The following EXOSC4 variants were observed in gnomAD, a reference collection of about 807,000 sequenced individuals.
EXOSC4 encodes exosome complex component RRP41.
EXOSC4 carries 14 observed loss-of-function variants against 20.0 expected under a neutral mutation model. The observed-to-expected ratio is 0.70, with a 90% CI of 0.46 to 1.09. EXOSC4 has a LOEUF of 1.09. EXOSC4 is among the 50% of genes least tolerant of loss of function. EXOSC4 has a pLI of 0.00. For missense variants in EXOSC4, 337 were observed against 334.0 expected (o/e 1.01, Z -0.07); for synonymous variants, 148 against 146.4 (o/e 1.01, Z -0.08).
chr8:144,075,229 ATT>A (rs782139585), upstream of EXOSC4, among the ~76,000 whole-genome samples: 7 of 132,026 alleles, frequency 5.3e-5, no homozygotes, highest in African/African-American at 2.8e-5. Context: ...TGTCCAGTTA[ATT>A]TTTTTTTTTT....
At chr8:144,079,869 A>T in intron 1 of EXOSC4, 74 bp from the exon 2 acceptor site, 1 of 1,407,464 alleles carries the variant, frequency 7.1e-7, no homozygotes, top group Non-Finnish European at 1.0e-6. Flanking sequence ...GTGGAGGGAG[A>T]GGCAGACCCA....
At chr8:144,073,188 T>C in the EXOSC4 span, among the ~76,000 whole-genome samples, 1 of 151,928 alleles carries the variant, frequency 6.6e-6, no homozygotes, top group African/African-American at 2.4e-5. Flanking sequence ...GAGACCAGCT[T>C]GGCCTACATG....
chr8:144,079,826 G>A, intron 1 of EXOSC4, 117 bp from the exon 2 acceptor site: 2 of 968,720 alleles, frequency 2.1e-6, no homozygotes, highest in Non-Finnish European at 3.3e-6. Flanking sequence ...TGTTTTGGAG[G>A]TAACGCAGTT....
upstream of EXOSC4, chr8:144,078,414 C>A (rs112389151): frequency 5.1e-3 from 1,254 of 243,836 alleles, 6 homozygotes; most frequent in South Asian, 0.029. This position sits in a 1 kb window ranked among gnomAD's most constrained non-coding sequence, Gnocchi z 4.7. Context: ...CGGCTGCGGG[C>A]CCAGCCGCTG....
chr8:144,071,299 C>T, the EXOSC4 span, among the ~76,000 whole-genome samples: 146 of 91,520 alleles, frequency 1.6e-3, no homozygotes, highest in Non-Finnish European at 2.7e-3. Context: ...GCTCCCCTCT[C>T]CTCCCCTCCG....
chr8:144,064,317 C>G, the EXOSC4 span, among the ~76,000 whole-genome samples: 1 of 152,246 alleles, frequency 6.6e-6, no homozygotes, highest in African/African-American at 2.4e-5. Flanking sequence ...AGCCTCCAGG[C>G]CTGGCCATGC....
upstream of EXOSC4, chr8:144,078,443 C>G (rs1321076275): frequency 3.4e-6 from 1 of 296,752 alleles, no homozygotes; most frequent in Non-Finnish European, 6.2e-6. This position sits in a 1 kb window ranked among gnomAD's most constrained non-coding sequence, Gnocchi z 4.7. Flanking sequence ...ATAGCGCCGC[C>G]GCAGTTCCCC....
At chr8:144,071,829 A>C in the EXOSC4 span, among the ~76,000 whole-genome samples, 3 of 151,748 alleles carry the variant, frequency 2.0e-5, no homozygotes, top group Non-Finnish European at 4.4e-5. Context: ...AACACAAAAA[A>C]ATTATCTGGG....
upstream of EXOSC4, among the ~76,000 whole-genome samples, chr8:144,076,350 G>A (rs573367036): frequency 3.9e-5 from 6 of 152,264 alleles, no homozygotes; most frequent in East Asian, 7.7e-4. Flanking sequence ...AATCTTAGGC[G>A]TGAAGACAAG....
chr8:144,071,343 T>C, the EXOSC4 span, among the ~76,000 whole-genome samples: 1 of 140,768 alleles, frequency 7.1e-6, no homozygotes, highest in Non-Finnish European at 1.5e-5. Flanking sequence ...TCCTTTCCTT[T>C]CTGATGGAGT....
At chr8:144,073,575 G>A in the EXOSC4 span, among the ~76,000 whole-genome samples, 28 of 151,708 alleles carry the variant, frequency 1.8e-4, no homozygotes, top group Non-Finnish European at 3.4e-4. Context: ...ACGACCGGCC[G>A]GGTGTGGTGG....
At chr8:144,079,865 G>A (rs782697842) in intron 1 of EXOSC4, 78 bp from the exon 2 acceptor site, 2 of 1,381,532 alleles carry the variant, frequency 1.4e-6, no homozygotes, top group Non-Finnish European at 2.1e-6. Context: ...GAAAGTGGAG[G>A]GAGAGGCAGA....
chr8:144,080,050 C>A lies in EXOSC4; in HGVS notation c.279C>A (p.Asp93Glu), dbSNP rs202168311. The A allele has an allele frequency of 6.2e-7, 1 of 1,614,062 alleles. No homozygotes were observed. The highest frequency in any genetic ancestry group is 8.5e-7 in the Non-Finnish European group (1 of 1,179,992). The change falls in exon 2 of 3, where the codon GAC becomes GAA. Residue 93 changes from aspartate (D) to glutamate (E), a missense_variant. Physicochemically the swap from Asp to Glu is conservative, Grantham distance 45 (BLOSUM62 2). Coordinates refer to ENST00000316052, the MANE Select transcript of EXOSC4 (RefSeq NM_019037.3). This position sits in a 1 kb window ranked among gnomAD's most constrained non-coding sequence, Gnocchi z 4.9. ...AGCGCAAGCGACGGCCACATGGGGA[C>A]CGTAAGTCCTGTGAGATGGGCCTGC... ...TGERKRRPHG[D>E]RKSCEMGLQL...
chr8:144,064,422 C>T, the EXOSC4 span, among the ~76,000 whole-genome samples: 1 of 152,262 alleles, frequency 6.6e-6, no homozygotes, highest in Non-Finnish European at 1.5e-5. Context: ...CGTGGCTGCC[C>T]TGCAGGATGG....
At chr8:144,073,780 G>A (rs1318150429), upstream of EXOSC4, among the ~76,000 whole-genome samples, 1 of 152,094 alleles carries the variant, frequency 6.6e-6, no homozygotes, top group African/African-American at 2.4e-5. Context: ...GAACACGGGA[G>A]GCAGAGGTTG....
chr8:144,075,736 A>G (rs1023397184), upstream of EXOSC4, among the ~76,000 whole-genome samples: 9 of 152,262 alleles, frequency 5.9e-5, no homozygotes, highest in African/African-American at 2.2e-4. Context: ...AGAGCATCAG[A>G]GAACGCATCA....
At chr8:144,075,656 G>A (rs1365640013), upstream of EXOSC4, among the ~76,000 whole-genome samples, 4 of 152,190 alleles carry the variant, frequency 2.6e-5, no homozygotes, top group South Asian at 2.1e-4. Context: ...TTACAAGCGC[G>A]AGCACCGCGT....
At chr8:144,074,168 A>G (rs548770102), upstream of EXOSC4, among the ~76,000 whole-genome samples, 61 of 152,346 alleles carry the variant, frequency 4.0e-4, no homozygotes, top group African/African-American at 1.3e-3. Context: ...TTACAGAGTC[A>G]TATATTTCGT....
Position 144,078,913 on chromosome 8 carries a change from C to T in EXOSC4, c.171+14C>T. On this transcript the variant is annotated intron_variant, in intron 1 of 2. Coordinates refer to ENST00000316052, the MANE Select transcript of EXOSC4 (RefSeq NM_019037.3). The surrounding 1 kb of genome is among the most constrained non-coding windows in gnomAD (Gnocchi z 4.7). ...GGCCCGCACGAGGCGAGTGGGCGCG[C>T]GGGATGGGGAATCGTGTGGCCGTGG... 2 of 1,452,226 alleles carry T rather than the reference C, an allele frequency of 1.4e-6. No individual in the cohort carries two copies. The highest frequency in any genetic ancestry group is 1.4e-5 in the South Asian group (1 of 70,546). 90.0% of individuals were successfully genotyped at this position (1,452,226 alleles called of 1,614,324 possible). A position where few individuals can be genotyped will look rare whatever the true frequency, so the allele number is the denominator to read the frequency against.
Sources: allele counts gnomAD v4.1 joint callset (sites outside exome capture counted in the v4.1 genomes callset), GRCh38; gene constraint gnomAD v4.1.1; non-coding constraint Gnocchi (gnomAD v3.1); transcripts MANE v1.5; gene names NCBI Gene and HGNC (gene_info 2026-07-23, HGNC 2026-07-21).